Variants in NUBPL observed in about 807,000 individuals in gnomAD.
NUBPL encodes NUBP iron-sulfur cluster assembly factor, mitochondrial.
Under a neutral mutation model 45.7 loss-of-function variants are expected in NUBPL, and 31 were observed. That is an observed-to-expected ratio of 0.68 (90% CI 0.51 to 0.92). The LOEUF is 0.92. Ranked by LOEUF, NUBPL falls within the 40% of genes least tolerant of loss-of-function variation. NUBPL has a pLI of 0.00. For synonymous variants in NUBPL, 144 were observed against 140.9 expected (o/e 1.02, Z -0.15); for missense variants, 401 against 398.7 (o/e 1.01, Z -0.05).
intron 7 of NUBPL, among the ~76,000 whole-genome samples, chr14:31,808,526 G>C (rs937879007): frequency 6.6e-6 from 1 of 152,122 alleles, no homozygotes; most frequent in Non-Finnish European, 1.5e-5. Flanking sequence ...GGGCTGAGAC[G>C]ATGGGGTTTT....
At chr14:31,592,736 A>G (rs1178173560) in intron 3 of NUBPL, among the ~76,000 whole-genome samples, 1 of 152,050 alleles carries the variant, frequency 6.6e-6, no homozygotes, top group East Asian at 1.9e-4. Flanking sequence ...TTCCTGTATT[A>G]TCTATATTTC....
At chr14:31,853,067 GTTGTGTTGTGTTGTGTTTTGTTTTGTT>G (rs1195827478) in intron 10 of NUBPL, among the ~76,000 whole-genome samples, 24 of 114,388 alleles carry the variant, frequency 2.1e-4, no homozygotes, top group African/African-American at 2.7e-4. Context: ...GACTGATACT[GTTGTGTTGTGTTGTGTTTTGTTTTGTT>G]TTGTTTTGTT....
intron 6 of NUBPL, 134 bp downstream of exon 6, chr14:31,673,708 C>G (rs917544476): frequency 2.6e-6 from 2 of 783,438 alleles, no homozygotes; most frequent in Non-Finnish European, 2.2e-6. Flanking sequence ...AATATGGCAC[C>G]TAATGAGTTA....
rs562399952 is a variant in NUBPL at position 31,848,784 on chromosome 14, T to G, written c.815-1335T>G. 5.3e-5 allele frequency among the ~76,000 whole-genome samples: 8 copies of G among 152,322 alleles called. No homozygotes were observed. The South Asian group carries it at 1.7e-3, about 32-fold the overall frequency. On this transcript the variant is annotated intron_variant, in intron 9 of 10. Transcript: ENST00000281081. ...GTGTCTGTAGGTAGGATTGTGAGTATCTGGAGAGCAGAAATGATGTCAATA... is the reference window on the plus strand; with the variant it reads ...GTGTCTGTAGGTAGGATTGTGAGTAGCTGGAGAGCAGAAATGATGTCAATA...
intron 4 of NUBPL, among the ~76,000 whole-genome samples, chr14:31,651,437 A>AT (rs11352739): frequency 3.3e-5 from 5 of 151,886 alleles, no homozygotes; most frequent in South Asian, 2.1e-4. Context: ...CATGAATCAC[A>AT]TTTTTTTTAA....
intron 4 of NUBPL, among the ~76,000 whole-genome samples, chr14:31,646,412 C>T (rs2035854054): frequency 6.6e-6 from 1 of 152,040 alleles, no homozygotes; most frequent in African/African-American, 2.4e-5. Flanking sequence ...GTCTTGAACT[C>T]CTGACCTCAT....
chr14:31,656,577 GGA>G (rs931833928), intron 4 of NUBPL, among the ~76,000 whole-genome samples: 3 of 151,508 alleles, frequency 2.0e-5, no homozygotes, highest in African/African-American at 2.4e-5. Flanking sequence ...GGAGGCCTGA[GGA>G]GAGAGAGAGA....
At chr14:31,745,387 T>G (rs2038376143) in intron 6 of NUBPL, among the ~76,000 whole-genome samples, 1 of 152,230 alleles carries the variant, frequency 6.6e-6, no homozygotes, top group South Asian at 2.1e-4. Flanking sequence ...GGACTCATCC[T>G]TTTTTATGGC....
intron 6 of NUBPL, among the ~76,000 whole-genome samples, chr14:31,697,062 C>T (rs1028006070): frequency 9.2e-5 from 14 of 152,282 alleles, no homozygotes; most frequent in Admixed American, 4.6e-4. Context: ...ATGTTTGGGT[C>T]GTCTTTTGTT....
At chr14:31,660,530 A>G (rs564744687) in intron 4 of NUBPL, among the ~76,000 whole-genome samples, 24 of 152,264 alleles carry the variant, frequency 1.6e-4, no homozygotes, top group South Asian at 8.3e-4. Flanking sequence ...TTTCTTCAAG[A>G]TACGAATACA....
chr14:31,705,709 A>G (rs1338320403), intron 6 of NUBPL, among the ~76,000 whole-genome samples: 6 of 151,992 alleles, frequency 3.9e-5, no homozygotes, highest in Non-Finnish European at 2.9e-5. Context: ...TGGTGCATTT[A>G]CAAACCTTTA....
At chr14:31,673,679 G>C (rs2036628359) in intron 6 of NUBPL, 105 bp downstream of exon 6, 1 of 984,180 alleles carries the variant, frequency 1.0e-6, no homozygotes, top group South Asian at 1.3e-5. Flanking sequence ...TCAGTTGATG[G>C]GATGAATGTA....
chr14:31,666,422 G>A (rs1035347448), intron 4 of NUBPL, among the ~76,000 whole-genome samples: 2 of 151,384 alleles, frequency 1.3e-5, no homozygotes, highest in East Asian at 1.9e-4. Context: ...GCACCACCAT[G>A]CCTGGCTAAT....
At chr14:31,609,403 A>G (rs2034693842) in intron 4 of NUBPL, among the ~76,000 whole-genome samples, 1 of 152,210 alleles carries the variant, frequency 6.6e-6, no homozygotes, top group Non-Finnish European at 1.5e-5. Context: ...TGCACCCAAC[A>G]CTGGAGCACC....
chr14:31,580,887 C>T (rs1469411296), intron 3 of NUBPL, among the ~76,000 whole-genome samples: 1 of 152,196 alleles, frequency 6.6e-6, no homozygotes, highest in Non-Finnish European at 1.5e-5. Context: ...GCATGTCATG[C>T]AAAGCCTCAT....
intron 3 of NUBPL, among the ~76,000 whole-genome samples, chr14:31,594,892 T>C (rs2034242535): frequency 6.6e-6 from 1 of 151,852 alleles, no homozygotes; most frequent in Admixed American, 6.6e-5. Context: ...ATCATGGGAG[T>C]CTTAGCTGGG....
chr14:31,785,119 T>C (rs1227499447), intron 6 of NUBPL, among the ~76,000 whole-genome samples: 1 of 152,216 alleles, frequency 6.6e-6, no homozygotes, highest in Non-Finnish European at 1.5e-5. Context: ...CGTCTGACCT[T>C]GGGGACCAAA....
intron 6 of NUBPL, among the ~76,000 whole-genome samples, chr14:31,746,618 A>G (rs1258599307): frequency 6.6e-6 from 1 of 151,994 alleles, no homozygotes; most frequent in East Asian, 1.9e-4. Context: ...ATCTATGCTC[A>G]TCAGGGATAT....
At chr14:31,635,522 G>A (rs1281076291) in intron 4 of NUBPL, among the ~76,000 whole-genome samples, 4 of 152,042 alleles carry the variant, frequency 2.6e-5, no homozygotes, top group Admixed American at 6.6e-5. Flanking sequence ...GTCAGGTAGT[G>A]TGATGCCTCC....
Sources: gnomAD v4.1 joint callset for allele counts (sites outside exome capture counted in the v4.1 genomes callset) on GRCh38, gnomAD v4.1.1 for gene constraint, MANE v1.5 for transcripts, NCBI Gene and HGNC (gene_info 2026-07-23, HGNC 2026-07-21) for gene names.